FBXO40: variants seen among roughly 807,000 people sequenced by gnomAD.
FBXO40 encodes the protein F-box only protein 40.
In FBXO40, 50 loss-of-function variants were observed where a neutral mutation model predicts 49.9. The ratio of observed to expected loss-of-function variants is 1.00; its 90% CI spans 0.80 to 1.27. The LOEUF is 1.27. FBXO40 is among the 50% of genes most tolerant of loss of function. The probability of loss-of-function intolerance (pLI) is 0.00; values close to 1 mark genes in which losing one functional copy is unlikely to be tolerated. For synonymous variants in FBXO40, 340 were observed against 320.2 expected (o/e 1.06, Z -0.66); for missense variants, 895 against 870.1 (o/e 1.03, Z -0.36).
intron 1 of FBXO40, among the ~76,000 whole-genome samples, chr3:121,597,948 C>G (rs2048881217): frequency 6.6e-6 from 1 of 152,132 alleles, no homozygotes; most frequent in Non-Finnish European, 1.5e-5. Context: ...CAGGTGTCAG[C>G]CACCGTGCCC....
rs560189372 is a variant in FBXO40, at chr3:121,625,759, G to A, written c.1915-936G>A. On this transcript the variant is annotated intron_variant, in intron 3 of 3. Transcript: ENST00000338040. ...AAGAAATAAAGAAAATTTAGTTGGG[G>A]CTAAAGGATACTCACATTAGAATGG... Among the ~76,000 whole-genome samples the A allele has an allele frequency of 2.6e-5, 4 of 152,290 alleles. No individual in the cohort carries two copies. In the South Asian group the frequency reaches 8.3e-4, roughly 32 times the overall value.
At chr3:121,599,918 T>G (rs1560127056) in intron 1 of FBXO40, among the ~76,000 whole-genome samples, 1 of 151,688 alleles carries the variant, frequency 6.6e-6, no homozygotes, top group Non-Finnish European at 1.5e-5. Context: ...AGATGAGGTT[T>G]TTCCATGCTG....
chr3:121,619,963 A>C (rs1279352343), intron 1 of FBXO40, among the ~76,000 whole-genome samples: 1 of 152,160 alleles, frequency 6.6e-6, no homozygotes, highest in Non-Finnish European at 1.5e-5. Context: ...TTTCTCTTTC[A>C]CTTGCCAGAG....
chr3:121,598,268 A>T (rs1481795151), intron 1 of FBXO40, among the ~76,000 whole-genome samples: 2 of 152,208 alleles, frequency 1.3e-5, no homozygotes, highest in African/African-American at 4.8e-5. Context: ...AGCAAGGGAG[A>T]GCTCATGCAT....
At chr3:121,600,507 G>A (rs1222822060) in intron 1 of FBXO40, among the ~76,000 whole-genome samples, 1 of 152,162 alleles carries the variant, frequency 6.6e-6, no homozygotes, top group East Asian at 1.9e-4. Context: ...GGAAGGAGGG[G>A]CTTCTTAAGG....
In FBXO40 at chr3:121,626,894, G is replaced by A. The variant is rs1289928607; in HGVS notation, c.2114G>A (p.Gly705Glu). Residue 705 changes from glycine to glutamate, a missense_variant, in exon 4 of 4, where the codon GGA becomes GAA. Gly to Glu is a moderately conservative substitution (Grantham distance 98, BLOSUM62 -2). Transcript: ENST00000338040. ...TCCACCTTTAGAATCAGACCACGAG[G>A]AAGATACGTCTCCTAAAAATTCAGA... is the stretch of plus-strand genomic sequence containing the variant. ...LVSTFRIRPR[G>E]RYVS 1.2e-6 allele frequency: 2 copies of A among 1,614,130 alleles called. No homozygotes were observed. The highest frequency in any genetic ancestry group is 1.7e-6 in the Non-Finnish European group (2 of 1,180,022).
intron 1 of FBXO40, among the ~76,000 whole-genome samples, chr3:121,618,040 A>G (rs1004229376): frequency 6.6e-6 from 1 of 152,212 alleles, no homozygotes; most frequent in Non-Finnish European, 1.5e-5. Context: ...CCCAACATAA[A>G]GAAAAGTGTT....
chr3:121,626,832 G>T lies in FBXO40; in HGVS notation c.2052G>T (p.Met684Ile). ...HKTDPILLTS[M>I]CQPREQARES... is the part of the protein sequence containing the mutation. ...CTGACCCGATTCTTTTGACTAGCATGTGTCAGCCCCGTGAGCAGGCCCGAG... is the reference window on the plus strand; with the variant it reads ...CTGACCCGATTCTTTTGACTAGCATTTGTCAGCCCCGTGAGCAGGCCCGAG... The change falls in exon 4 of 4, where the codon ATG becomes ATT. Residue 684 changes from methionine (M) to isoleucine (I), a missense_variant. By Grantham distance (10) the Met-to-Ile change is conservative. Coordinates refer to ENST00000338040, the MANE Select transcript of FBXO40 (RefSeq NM_016298.4). 6.2e-6 allele frequency: 10 copies of T among 1,614,136 alleles called. No homozygotes were observed. The highest frequency in any genetic ancestry group is 8.5e-6 in the Non-Finnish European group (10 of 1,180,032).
intron 1 of FBXO40, among the ~76,000 whole-genome samples, chr3:121,613,394 C>A (rs151047765): frequency 1.3e-3 from 203 of 152,112 alleles, no homozygotes; most frequent in African/African-American, 4.6e-3. Context: ...AGGAACCCAG[C>A]GAAGAAAAGA....
At chr3:121,618,344 G>A (rs1192486505) in intron 1 of FBXO40, among the ~76,000 whole-genome samples, 1 of 150,510 alleles carries the variant, frequency 6.6e-6, no homozygotes, top group Non-Finnish European at 1.5e-5. Context: ...AGTACTTAGG[G>A]ATAAAGCGTC....
At chr3:121,621,304 A>G (rs969145563) in intron 2 of FBXO40, 129 bp from the exon 3 acceptor site, 1 of 753,730 alleles carries the variant, frequency 1.3e-6, no homozygotes, top group African/African-American at 1.7e-5. Flanking sequence ...GATATTCCAT[A>G]TATTTCAAGG....
At chr3:121,596,626 C>T (rs770965912) in intron 1 of FBXO40, among the ~76,000 whole-genome samples, 18 of 152,180 alleles carry the variant, frequency 1.2e-4, no homozygotes, top group South Asian at 2.1e-4. Context: ...GGATTCTGTG[C>T]CTGTCAAGTG....
chr3:121,601,648 C>G (rs1374547022), intron 1 of FBXO40, among the ~76,000 whole-genome samples: 1 of 152,246 alleles, frequency 6.6e-6, no homozygotes, highest in East Asian at 1.9e-4. Flanking sequence ...CGCATAGAAG[C>G]ACACTGAACT....
At chr3:121,594,932 AACTGTATAGTGTTGCATGC>A (rs2048863820) in intron 1 of FBXO40, among the ~76,000 whole-genome samples, 1 of 152,238 alleles carries the variant, frequency 6.6e-6, no homozygotes, top group Non-Finnish European at 1.5e-5. Flanking sequence ...CTTCTGGAAT[AACTGTATAGTGTTGCATGC>A]ACTAAAAATT....
At chr3:121,623,688 CTTTTTTT>C (rs11455375) in intron 3 of FBXO40, among the ~76,000 whole-genome samples, 2 of 128,964 alleles carry the variant, frequency 1.6e-5, no homozygotes, top group African/African-American at 3.0e-5. Context: ...TTTTAAAGGC[CTTTTTTT>C]TTTTTTTTTT....
Position 121,622,593 on chromosome 3 carries a change from G to A in FBXO40, c.1164G>A (p.Glu388=), listed in dbSNP as rs138289002. The change falls in exon 3 of 4, where the codon GAG becomes GAA. Residue 388 remains glutamate, a synonymous_variant. Transcript: ENST00000338040. ...CTTCAGATTTGGGGATCACTGTGGA[G>A]GACCTGCCCAAATCAGATCTCATCA... ...VDTSDLGITV[E]DLPKSDLIKT... 41 of 1,614,086 alleles carry A rather than the reference G, an allele frequency of 2.5e-5. No homozygotes were observed. The highest frequency in any genetic ancestry group is 3.4e-5 in the Non-Finnish European group (40 of 1,180,054).
intron 3 of FBXO40, among the ~76,000 whole-genome samples, chr3:121,625,755 TG>T (rs1459195780): frequency 6.6e-6 from 1 of 152,180 alleles, no homozygotes; most frequent in Non-Finnish European, 1.5e-5. Flanking sequence ...AAAATTTAGT[TG>T]GGGCTAAAGG....
Position 121,623,213 on chromosome 3 carries a change from A to C in FBXO40, c.1784A>C (p.Gln595Pro). The change falls in exon 3 of 4, where the codon CAG (glutamine) becomes CCG (proline). Residue 595 changes from glutamine to proline, a missense_variant. By Grantham distance (76) the Gln-to-Pro change is moderately conservative. Transcript: ENST00000338040. ...AGFLDSVSLAQLSQVSVLMRN... is the reference protein window; with the variant it reads ...AGFLDSVSLAPLSQVSVLMRN... Reference sequence around the variant, plus strand: ...TTCTTGGACAGCGTCAGCCTGGCCCAGCTCTCCCAGGTGTCTGTGCTGATG... The same window carrying C: ...TTCTTGGACAGCGTCAGCCTGGCCCCGCTCTCCCAGGTGTCTGTGCTGATG... 6.2e-7 allele frequency: 1 copy of C among 1,614,196 alleles called. No individual in the cohort carries two copies. The highest frequency in any genetic ancestry group is 8.5e-7 in the Non-Finnish European group (1 of 1,180,028).
rs34900150 is a variant in FBXO40 at position 121,618,386 on chromosome 3, G to GTT, written c.-30-2143_-30-2142dup. Reference sequence around the variant, plus strand: ...CAGCAGCTTATTTTCTTTCCTTCTTGTTTTTTTTTTTTTTTTTTGAGATGG... The same window carrying GTT: ...CAGCAGCTTATTTTCTTTCCTTCTTGTTTTTTTTTTTTTTTTTTTTGAGATGG... On this transcript the variant is annotated intron_variant, in intron 1 of 3. Coordinates refer to ENST00000338040, the MANE Select transcript of FBXO40 (RefSeq NM_016298.4). 8.5e-3 allele frequency among the ~76,000 whole-genome samples: 1,019 copies of GTT among 120,154 alleles called. 31 individuals are homozygous for GTT. The highest frequency in any genetic ancestry group is 0.022 in the South Asian group (82 of 3,744). The allele number at this position is 120,154 out of a possible 152,430, so 78.8% of individuals were successfully genotyped here.
Sources: gnomAD v4.1 joint callset for allele counts (sites outside exome capture counted in the v4.1 genomes callset) on GRCh38, gnomAD v4.1.1 for gene constraint, MANE v1.5 for transcripts, NCBI Gene and HGNC (gene_info 2026-07-23, HGNC 2026-07-21) for gene names.